Variants in BRAF observed in about 807,000 individuals in gnomAD.
BRAF encodes serine/threonine-protein kinase B-raf.
Under a neutral mutation model 104.6 loss-of-function variants are expected in BRAF, and 16 were observed. The ratio of observed to expected loss-of-function variants is 0.15; its 90% CI spans 0.10 to 0.23. The LOEUF (loss-of-function observed/expected upper bound fraction) is 0.23, where lower values mean the gene tolerates loss of function less well. Among genes scored for constraint, BRAF ranks in the 10% least tolerant of loss-of-function variants. BRAF has a pLI of 1.00. For missense variants in BRAF, 541 were observed against 937.3 expected, an observed-to-expected ratio of 0.58 and a Z score of 5.52; for synonymous variants, 310 against 341.6, an observed-to-expected ratio of 0.91 and a Z score of 1.02.
Position 140,721,576 on chromosome 7 carries a change from T to C in BRAF, c.*4918A>G, listed in dbSNP as rs1420598588. 7 of 1,525,698 alleles carry C rather than the reference T, an allele frequency of 4.6e-6. No homozygotes were observed. Among genetic ancestry groups the C allele is most frequent in the African/African-American group, 1.4e-5 (1 of 72,420 alleles). The allele number at this position is 1,525,698 out of a possible 1,614,324, so 94.5% of individuals were successfully genotyped here. A position where few individuals can be genotyped will look rare whatever the true frequency, so the allele number is the denominator to read the frequency against. ...GAGCTAGCAACATGGACCACAGATATACTGGTGACTCCGCTCTCCTCTGGC... is the reference window on the plus strand; with the variant it reads ...GAGCTAGCAACATGGACCACAGATACACTGGTGACTCCGCTCTCCTCTGGC... On this transcript the variant is annotated 3_prime_UTR_variant, in exon 20 of 20. Transcript: ENST00000644969.
intron 3 of BRAF, among the ~76,000 whole-genome samples, chr7:140,821,947 C>T (rs1286256059): frequency 1.3e-5 from 2 of 152,104 alleles, no homozygotes; most frequent in Non-Finnish European, 2.9e-5. Context: ...CAAATGTTCT[C>T]ATTTCTAAGT....
intron 8 of BRAF, among the ~76,000 whole-genome samples, chr7:140,787,857 C>T (rs1416236727): frequency 6.6e-6 from 1 of 152,160 alleles, no homozygotes; most frequent in Non-Finnish European, 1.5e-5. Flanking sequence ...CAATGGCTTC[C>T]ATTATCCTCA....
chr7:140,847,745 C>G (rs1808728877), intron 2 of BRAF, among the ~76,000 whole-genome samples: 1 of 152,104 alleles, frequency 6.6e-6, no homozygotes, highest in Admixed American at 6.6e-5. Context: ...GATATTATTT[C>G]CACTTTACTA....
At chr7:140,855,829 G>A (rs1809717813) in intron 1 of BRAF, among the ~76,000 whole-genome samples, 1 of 151,588 alleles carries the variant, frequency 6.6e-6, no homozygotes, top group East Asian at 1.9e-4. Flanking sequence ...AGACCAGCCT[G>A]GCCAACAAGG....
At chr7:140,820,973 C>A (rs1805413169) in intron 3 of BRAF, among the ~76,000 whole-genome samples, 1 of 152,150 alleles carries the variant, frequency 6.6e-6, no homozygotes, top group South Asian at 2.1e-4. Flanking sequence ...TATGCTTATT[C>A]TTTTTAGTTA....
chr7:140,739,354 A>G (rs1796706530), intron 18 of BRAF, among the ~76,000 whole-genome samples: 1 of 152,240 alleles, frequency 6.6e-6, no homozygotes, highest in Non-Finnish European at 1.5e-5. Flanking sequence ...CAAAAAAAGT[A>G]AAACAATACA....
chr7:140,826,258 A>G (rs1299026806), intron 3 of BRAF, among the ~76,000 whole-genome samples: 1 of 152,212 alleles, frequency 6.6e-6, no homozygotes, highest in Non-Finnish European at 1.5e-5. Context: ...ATCTTGCTAC[A>G]TCCTCAAATG....
At chr7:140,821,667 A>T (rs1805501563) in intron 3 of BRAF, among the ~76,000 whole-genome samples, 1 of 152,160 alleles carries the variant, frequency 6.6e-6, no homozygotes, top group Non-Finnish European at 1.5e-5. Context: ...TGTGGAAAGC[A>T]GTTTGGAAAT....
Position 140,722,478 on chromosome 7 carries a change from C to A in BRAF, c.*4016G>T. On this transcript the variant is annotated 3_prime_UTR_variant, in exon 20 of 20. Transcript: ENST00000644969. Reference sequence around the variant, plus strand: ...TTGTCAAGGTATTTTTCTAGAGCCTCACCTACACCATTTCAACTCATGACC... The same window carrying A: ...TTGTCAAGGTATTTTTCTAGAGCCTAACCTACACCATTTCAACTCATGACC... 9.5e-7 allele frequency: 1 copy of A among 1,055,556 alleles called. No homozygotes were observed. The highest frequency in any genetic ancestry group is 1.1e-6 in the Non-Finnish European group (1 of 873,130). The allele number at this position is 1,055,556 out of a possible 1,614,324, so 65.4% of individuals were successfully genotyped here.
At chr7:140,922,881 G>A (rs1262594760) in intron 1 of BRAF, among the ~76,000 whole-genome samples, 1 of 152,168 alleles carries the variant, frequency 6.6e-6, no homozygotes, top group Non-Finnish European at 1.5e-5. Flanking sequence ...AAAATGAATG[G>A]TAACTGGAAA....
At chr7:140,800,187 A>T in intron 7 of BRAF, 175 bp downstream of exon 7, 1 of 1,020,542 alleles carries the variant, frequency 9.8e-7, no homozygotes, top group Non-Finnish European at 1.4e-6. Flanking sequence ...TGTCAGCTTT[A>T]ATCCCATTTA....
chr7:140,759,286 C>T (rs1418595282), intron 14 of BRAF, among the ~76,000 whole-genome samples: 1 of 152,176 alleles, frequency 6.6e-6, no homozygotes, highest in African/African-American at 2.4e-5. Context: ...CCAACCTGAT[C>T]CCTAAAATGG....
Position 140,879,092 on chromosome 7 carries a change from A to C in BRAF, c.139-28880T>G, listed in dbSNP as rs191701087. ...GTGGTTTCACCATGTTGGTCAGGCTAGTCTCGAACTCCTGACTTCAAGTGA... is the reference window on the plus strand; with the variant it reads ...GTGGTTTCACCATGTTGGTCAGGCTCGTCTCGAACTCCTGACTTCAAGTGA... On this transcript the variant is annotated intron_variant, in intron 1 of 19. Transcript: ENST00000644969. Among the ~76,000 whole-genome samples, 1,154 of 150,662 alleles carry C rather than the reference A, an allele frequency of 7.7e-3. 20 individuals are homozygous for C. The highest frequency in any genetic ancestry group is 0.027 in the African/African-American group (1,102 of 40,936).
chr7:140,891,174 T>C lies in BRAF; in HGVS notation c.138+33392A>G, dbSNP rs538393790. Among the ~76,000 whole-genome samples the C allele has an allele frequency of 1.5e-3, 227 of 151,870 alleles. 2 individuals are homozygous for C. The highest frequency in any genetic ancestry group is 5.0e-3 in the African/African-American group (208 of 41,398). The stretch of plus-strand genomic sequence containing the variant: ...GCAGAGAAAATGAGAGGGTGTGGGG[T>C]AGAGGGGAAAACAAAAGTACTTAGA... On this transcript the variant is annotated intron_variant, in intron 1 of 19. Coordinates refer to ENST00000644969, the MANE Select transcript of BRAF (RefSeq NM_001374258.1).
intron 7 of BRAF, among the ~76,000 whole-genome samples, chr7:140,794,957 G>C (rs1802358123): frequency 2.0e-5 from 3 of 152,172 alleles, no homozygotes; most frequent in Admixed American, 2.0e-4. Context: ...TACAGGAGTT[G>C]AATGAAAATC....
chr7:140,867,185 A>G (rs914201636), intron 1 of BRAF, among the ~76,000 whole-genome samples: 1 of 152,050 alleles, frequency 6.6e-6, no homozygotes, highest in African/African-American at 2.4e-5. Context: ...TTTACAGATG[A>G]GGAAACAGGG....
In BRAF at chr7:140,722,638, A is replaced by G. The variant is rs1045858991; in HGVS notation, c.*3856T>C. On this transcript the variant is annotated 3_prime_UTR_variant, in exon 20 of 20. Transcript: ENST00000644969. ...CTAACAATGCCAACTTGGACAAAGA[A>G]GAGAATCTTGCAAAAAGAGTAATCA... 3.8e-6 allele frequency: 4 copies of G among 1,053,762 alleles called. No homozygotes were observed. The highest frequency in any genetic ancestry group is 3.4e-6 in the Non-Finnish European group (3 of 872,022). The allele number at this position is 1,053,762 out of a possible 1,614,324, so 65.3% of individuals were successfully genotyped here. A position where few individuals can be genotyped will look rare whatever the true frequency, so the allele number is the denominator to read the frequency against.
At chr7:140,763,213 C>T (rs1210748913) in intron 14 of BRAF, among the ~76,000 whole-genome samples, 8 of 151,928 alleles carry the variant, frequency 5.3e-5, no homozygotes, top group Non-Finnish European at 7.4e-5. Context: ...ACCTCCCGGA[C>T]GAGGCGGCTG....
intron 1 of BRAF, among the ~76,000 whole-genome samples, chr7:140,867,200 T>TA (rs113275958): frequency 1.3e-5 from 2 of 151,772 alleles, no homozygotes; most frequent in African/African-American, 4.8e-5. Flanking sequence ...ACAGGGAGGT[T>TA]AAAAAAAACT....
Sources: allele counts gnomAD v4.1 joint callset (sites outside exome capture counted in the v4.1 genomes callset), GRCh38; gene constraint gnomAD v4.1.1; transcripts MANE v1.5; gene names NCBI Gene and HGNC (gene_info 2026-07-23, HGNC 2026-07-21).